Variants in PLCE1 observed in about 807,000 individuals in gnomAD.
The protein encoded by PLCE1 is phospholipase C epsilon 1, also known as 1-phosphatidylinositol 4,5-bisphosphate phosphodiesterase epsilon-1.
PLCE1 carries 119 observed loss-of-function variants against 242.8 expected under a neutral mutation model. The observed-to-expected ratio is 0.49, with a 90% confidence interval of 0.42 to 0.57. PLCE1 has a LOEUF of 0.57. Among genes scored for constraint, PLCE1 ranks in the 20% least tolerant of loss-of-function variants. The pLI, the probability that PLCE1 is intolerant of heterozygous loss-of-function variation, is 0.00. For synonymous variants in PLCE1, 945 were observed against 1,017.4 expected (o/e 0.93, Z 1.35); for missense variants, 2,441 against 2,788.8 (o/e 0.88, Z 2.81).
intron 4 of PLCE1, among the ~76,000 whole-genome samples, chr10:94,187,388 A>T (rs563057964): frequency 6.6e-6 from 1 of 152,110 alleles, no homozygotes; most frequent in Non-Finnish European, 1.5e-5. Context: ...CTAACACATA[A>T]GCCACATGCT....
intron 22 of PLCE1, among the ~76,000 whole-genome samples, chr10:94,286,022 G>A (rs2052433620): frequency 6.6e-6 from 1 of 152,050 alleles, no homozygotes; most frequent in African/African-American, 2.4e-5. Flanking sequence ...TCAATTATGT[G>A]TCCCACAAAT....
At chr10:94,240,619 TG>T (rs2050472632) in intron 7 of PLCE1, among the ~76,000 whole-genome samples, 3 of 152,252 alleles carry the variant, frequency 2.0e-5, no homozygotes, top group Admixed American at 1.3e-4. Context: ...CAAGGGATTA[TG>T]TTAAATTGGC....
chr10:94,141,211 C>T (rs910759084), intron 3 of PLCE1, among the ~76,000 whole-genome samples: 3 of 152,210 alleles, frequency 2.0e-5, no homozygotes, highest in African/African-American at 7.2e-5. Flanking sequence ...GAGTGTGACA[C>T]TACACCTGGG....
intron 1 of PLCE1, among the ~76,000 whole-genome samples, chr10:94,014,407 C>T (rs1401219652): frequency 6.8e-6 from 1 of 146,984 alleles, no homozygotes; most frequent in Admixed American, 6.8e-5. Context: ...AGTTTAAGAC[C>T]AACCTGAGCA....
chr10:94,041,890 G>A lies in PLCE1; in HGVS notation c.1206+9638G>A, dbSNP rs546378285. On this transcript the variant is annotated intron_variant, in intron 2 of 32. Coordinates refer to ENST00000371380, the MANE Select transcript of PLCE1 (RefSeq NM_016341.4). ...ACAGCACCCCTCTCTTCTAAAAAGA[G>A]CCAAGTACTAATTCCAGCTCTGCCA... is the stretch of plus-strand genomic sequence containing the variant. Among the ~76,000 whole-genome samples, 6 of 152,136 alleles carry A rather than the reference G, an allele frequency of 3.9e-5. No homozygotes were observed. In the East Asian group the frequency reaches 1.2e-3, roughly 29 times the overall value.
intron 32 of PLCE1, among the ~76,000 whole-genome samples, chr10:94,327,546 AAGTT>A (rs1308403139): frequency 5.9e-5 from 9 of 152,168 alleles, no homozygotes; most frequent in African/African-American, 1.7e-4. Flanking sequence ...AGCAAAAAGA[AAGTT>A]AGTTTAGTAT....
intron 2 of PLCE1, chr10:94,104,743 G>C (rs2045664157): frequency 6.6e-6 from 1 of 152,136 alleles, no homozygotes; most frequent in Non-Finnish European, 1.5e-5. Flanking sequence ...TTCACCTCTT[G>C]TGCATTTGAC....
intron 27 of PLCE1, 77 bp downstream of exon 27, chr10:94,308,776 AGT>A: frequency 1.1e-6 from 1 of 925,294 alleles, no homozygotes; most frequent in Non-Finnish European, 1.8e-6. Flanking sequence ...GGCCCAGCAA[AGT>A]GGTCGGTGTG....
intron 1 of PLCE1, among the ~76,000 whole-genome samples, chr10:94,020,504 T>A (rs1007457313): frequency 1.3e-5 from 2 of 152,180 alleles, no homozygotes; most frequent in African/African-American, 2.4e-5. Flanking sequence ...ACCATTTTTT[T>A]ATTCTGTGGT....
chr10:94,141,241 T>C (rs1224644176), intron 3 of PLCE1, among the ~76,000 whole-genome samples: 1 of 152,164 alleles, frequency 6.6e-6, no homozygotes, highest in African/African-American at 2.4e-5. Context: ...AGAATATGAC[T>C]CCATACCAGT....
chr10:94,304,228 G>A (rs988742307), intron 24 of PLCE1, among the ~76,000 whole-genome samples: 1 of 152,132 alleles, frequency 6.6e-6, no homozygotes, highest in Non-Finnish European at 1.5e-5. Context: ...TGGTAACACT[G>A]GGCATATCCA....
intron 4 of PLCE1, among the ~76,000 whole-genome samples, chr10:94,210,182 GT>G (rs1240655453): frequency 1.7e-3 from 236 of 141,136 alleles, no homozygotes; most frequent in Middle Eastern, 3.7e-3. Flanking sequence ...TTTGAATGGT[GT>G]TTTTTTTTTT....
chr10:94,307,105 G>A (rs1320277645), intron 26 of PLCE1, among the ~76,000 whole-genome samples: 3 of 152,182 alleles, frequency 2.0e-5, no homozygotes, highest in African/African-American at 4.8e-5. Context: ...GCTGGGGCTG[G>A]GTTTCAGGTG....
intron 2 of PLCE1, among the ~76,000 whole-genome samples, chr10:94,041,725 G>C (rs941339883): frequency 6.6e-6 from 1 of 152,174 alleles, no homozygotes; most frequent in Non-Finnish European, 1.5e-5. Context: ...GGGGTTCGGG[G>C]ATGGACATGG....
At chr10:94,301,923 T>C (rs558054627) in intron 24 of PLCE1, among the ~76,000 whole-genome samples, 6 of 152,276 alleles carry the variant, frequency 3.9e-5, no homozygotes, top group Non-Finnish European at 5.9e-5. Context: ...TCCTCAAATA[T>C]AAGGATAAAC....
intron 2 of PLCE1, among the ~76,000 whole-genome samples, chr10:94,116,013 A>G (rs1335687095): frequency 6.6e-6 from 1 of 152,140 alleles, no homozygotes; most frequent in Non-Finnish European, 1.5e-5. Flanking sequence ...GCAGGCGATA[A>G]CTGTTCTGAT....
chr10:94,107,974 T>G (rs949095920), intron 2 of PLCE1: 3 of 152,244 alleles, frequency 2.0e-5, no homozygotes, highest in African/African-American at 7.2e-5. Flanking sequence ...AGCCGTGGGC[T>G]GGATGGACTG....
chr10:94,265,624 C>CT (rs769399009), intron 14 of PLCE1, 23 bp from the exon 15 acceptor site: 2,588 of 1,405,052 alleles, frequency 1.8e-3, no homozygotes, highest in African/African-American at 3.3e-3. Flanking sequence ...CTAAATAACA[C>CT]TTTTTTTTTT....
At chr10:94,226,136 T>C (rs2049929516) in intron 4 of PLCE1, among the ~76,000 whole-genome samples, 1 of 152,214 alleles carries the variant, frequency 6.6e-6, no homozygotes, top group African/African-American at 2.4e-5. Flanking sequence ...AAAATAATCA[T>C]AGAGCAGAAG....
Sources: gnomAD v4.1 joint callset for allele counts (sites outside exome capture counted in the v4.1 genomes callset) on GRCh38, gnomAD v4.1.1 for gene constraint, MANE v1.5 for transcripts, NCBI Gene and HGNC (gene_info 2026-07-23, HGNC 2026-07-21) for gene names.